FMN2: variants seen among roughly 807,000 people sequenced by gnomAD.
FMN2 encodes formin-2.
A neutral mutation model predicts 142.3 loss-of-function variants in FMN2; 51 were observed. That is an observed-to-expected ratio of 0.36 (90% CI 0.29 to 0.45). The LOEUF (loss-of-function observed/expected upper bound fraction) is 0.45. Among genes scored for constraint, FMN2 ranks in the 20% least tolerant of loss-of-function variants. FMN2 has a pLI of 1.00. For synonymous variants in FMN2, 882 were observed against 869.8 expected (o/e 1.01, Z -0.25); for missense variants, 1,936 against 2,122.8 (o/e 0.91, Z 1.73).
intron 13 of FMN2, among the ~76,000 whole-genome samples, chr1:240,344,950 G>C (rs1238211696): frequency 6.6e-6 from 1 of 152,150 alleles, no homozygotes; most frequent in African/African-American, 2.4e-5. Context: ...CAGGGACCTG[G>C]TATAAACAAA....
chr1:240,152,069 C>A (rs1223569823), intron 2 of FMN2, among the ~76,000 whole-genome samples: 1 of 152,150 alleles, frequency 6.6e-6, no homozygotes, highest in Non-Finnish European at 1.5e-5. Context: ...CCATGCCCGG[C>A]CTCCAATGGA....
intron 9 of FMN2, 42 bp from the exon 10 acceptor site, chr1:240,329,297 G>A: frequency 6.2e-7 from 1 of 1,604,572 alleles, no homozygotes; most frequent in Non-Finnish European, 8.5e-7. Context: ...ATCTGTTTAT[G>A]TGAATTATAT....
chr1:240,239,411 T>C (rs1265717981), intron 6 of FMN2, among the ~76,000 whole-genome samples: 3 of 152,250 alleles, frequency 2.0e-5, no homozygotes, highest in African/African-American at 7.2e-5. Flanking sequence ...TAAAATCACA[T>C]GTTGAAATTT....
At chr1:240,166,136 A>G (rs1407515224) in intron 2 of FMN2, among the ~76,000 whole-genome samples, 1 of 149,138 alleles carries the variant, frequency 6.7e-6, no homozygotes, top group African/African-American at 2.4e-5. Context: ...TGTTTTTTAT[A>G]TATATGTATA....
chr1:240,275,171 T>A (rs1490424531), intron 7 of FMN2, among the ~76,000 whole-genome samples: 1 of 151,628 alleles, frequency 6.6e-6, no homozygotes, highest in Admixed American at 6.6e-5. Context: ...ACACGTGCCA[T>A]GGTGTTTTGC....
At chr1:240,138,611 GCAAGAGAATCGCTTGAAC>G (rs1663052785) in intron 2 of FMN2, among the ~76,000 whole-genome samples, 2 of 152,064 alleles carry the variant, frequency 1.3e-5, no homozygotes, top group African/African-American at 4.8e-5. Flanking sequence ...GGAGGCTGAG[GCAAGAGAATCGCTTGAAC>G]CAAGGAGCTG....
intron 13 of FMN2, among the ~76,000 whole-genome samples, chr1:240,335,321 A>G (rs925640644): frequency 6.6e-6 from 1 of 152,220 alleles, no homozygotes; most frequent in African/African-American, 2.4e-5. Flanking sequence ...ACTGAGGCCA[A>G]GAAAGACTGC....
intron 14 of FMN2, among the ~76,000 whole-genome samples, chr1:240,391,550 C>A (rs1673604588): frequency 6.6e-6 from 1 of 152,068 alleles, no homozygotes; most frequent in African/African-American, 2.4e-5. Context: ...TTTAACTAGT[C>A]CCAGGATTTA....
chr1:240,365,859 A>G (rs1203044074), intron 14 of FMN2, among the ~76,000 whole-genome samples: 1 of 152,150 alleles, frequency 6.6e-6, no homozygotes, highest in Non-Finnish European at 1.5e-5. Context: ...TAACACATGT[A>G]TTTTCTCCAT....
intron 16 of FMN2, among the ~76,000 whole-genome samples, chr1:240,444,336 G>C (rs1675733623): frequency 6.6e-6 from 1 of 152,218 alleles, no homozygotes; most frequent in African/African-American, 2.4e-5. Context: ...CCTAGAACGT[G>C]GAGCAAGTGT....
intron 2 of FMN2, among the ~76,000 whole-genome samples, chr1:240,147,255 C>T (rs1663527060): frequency 6.6e-6 from 1 of 152,126 alleles, no homozygotes; most frequent in South Asian, 2.1e-4. Context: ...GTAATTTGCC[C>T]AGAGTCAGTT....
chr1:240,312,008 A>G (rs997170325), intron 8 of FMN2, among the ~76,000 whole-genome samples: 2 of 152,138 alleles, frequency 1.3e-5, no homozygotes, highest in Non-Finnish European at 1.5e-5. Flanking sequence ...TTTTAATATG[A>G]TATTTTTCTT....
intron 1 of FMN2, among the ~76,000 whole-genome samples, chr1:240,097,755 T>C (rs1239453249): frequency 6.6e-6 from 1 of 152,194 alleles, no homozygotes; most frequent in Admixed American, 6.5e-5. Context: ...AATTATGATA[T>C]TGGTTACACT....
chr1:240,140,493 G>T (rs553519682), intron 2 of FMN2, among the ~76,000 whole-genome samples: 1 of 152,124 alleles, frequency 6.6e-6, no homozygotes. Flanking sequence ...ACAGATCCAC[G>T]CAGGTTGGAA....
In FMN2 at chr1:240,469,235, T is replaced by C. The variant is rs183714374; in HGVS notation, c.5061-3137T>C. Among the ~76,000 whole-genome samples, 3 of 152,240 alleles carry C rather than the reference T, an allele frequency of 2.0e-5. No individual in the cohort carries two copies. The East Asian group carries it at 5.8e-4, about 29-fold the overall frequency. ...TACACCAGATTCTGCCAGATGCTAC[T>C]TCTGAAAGCATCCTAGAGTGACTAA... On this transcript the variant is annotated intron_variant, in intron 16 of 17. Coordinates refer to ENST00000319653, the MANE Select transcript of FMN2 (RefSeq NM_020066.5).
At chr1:240,234,654 C>T (rs1230486032) in intron 6 of FMN2, among the ~76,000 whole-genome samples, 1 of 152,138 alleles carries the variant, frequency 6.6e-6, no homozygotes, top group Non-Finnish European at 1.5e-5. Context: ...AACCCCCCCA[C>T]TACAAATGTG....
intron 14 of FMN2, among the ~76,000 whole-genome samples, chr1:240,365,876 T>C (rs4387171): frequency 0.6 from 90,885 of 151,980 alleles, 29,310 homozygotes; most frequent in African/African-American, 0.86. Flanking sequence ...CCATAAGGTA[T>C]ATCACAGCCA....
chr1:240,437,746 G>A (rs546967821), intron 15 of FMN2, among the ~76,000 whole-genome samples: 31 of 152,268 alleles, frequency 2.0e-4, no homozygotes, highest in African/African-American at 6.7e-4. Flanking sequence ...GTATAGGCCC[G>A]CCACTTTCAA....
intron 13 of FMN2, among the ~76,000 whole-genome samples, chr1:240,336,840 A>C (rs1671581210): frequency 6.6e-6 from 1 of 152,200 alleles, no homozygotes; most frequent in African/African-American, 2.4e-5. Flanking sequence ...AAAGCTGTCA[A>C]ACTCTGAGGA....
Sources: gnomAD v4.1 joint callset for allele counts (sites outside exome capture counted in the v4.1 genomes callset) on GRCh38, gnomAD v4.1.1 for gene constraint, MANE v1.5 for transcripts, NCBI Gene and HGNC (gene_info 2026-07-23, HGNC 2026-07-21) for gene names.